KIRREL3: variants seen among roughly 807,000 people sequenced by gnomAD.
The protein encoded by KIRREL3 is kin of IRRE-like protein 3.
A neutral mutation model predicts 89.7 loss-of-function variants in KIRREL3; 36 were observed. That is an observed-to-expected ratio of 0.40 (90% CI 0.31 to 0.53). KIRREL3 has a LOEUF of 0.53. KIRREL3 is among the 20% of genes least tolerant of loss of function. The probability of loss-of-function intolerance (pLI) is 0.49; values close to 1 mark genes in which losing one functional copy is unlikely to be tolerated. For synonymous variants in KIRREL3, 445 were observed against 441.4 expected, an observed-to-expected ratio of 1.01 and a Z score of -0.10; for missense variants, 864 against 1,056.6, an observed-to-expected ratio of 0.82 and a Z score of 2.53.
rs1379712039 is a variant in KIRREL3 at position 126,978,122 on chromosome 11, T to C, written c.55+22333A>G. Among the ~76,000 whole-genome samples, 1 of 152,182 alleles carries C rather than the reference T, an allele frequency of 6.6e-6. No homozygotes were observed. The highest frequency in any genetic ancestry group is 1.5e-5 in the Non-Finnish European group (1 of 68,034). ...AGCCCCAGGGATAATGGTCAGCACA[T>C]TGTGGCGTTGGATTTTTCTGCTACT... On this transcript the variant is annotated intron_variant, in intron 1 of 16. Transcript: ENST00000525144. The surrounding 1 kb of genome is among the most constrained non-coding windows in gnomAD (Gnocchi z 4.2).
rs1950010309 is a variant in KIRREL3 at position 126,771,209 on chromosome 11, G to A, written c.56-208297C>T. ...CTGCTTTTACAACCATTGTCTCAGT[G>A]CGTCCCTAAATAGCCTGGCAAGGAA... On this transcript the variant is annotated intron_variant, in intron 1 of 16. Transcript: ENST00000525144. This position sits in a 1 kb window ranked among gnomAD's most constrained non-coding sequence, Gnocchi z 4.4. Among the ~76,000 whole-genome samples, 1 of 151,852 alleles carries A rather than the reference G, an allele frequency of 6.6e-6. No individual in the cohort carries two copies. Among genetic ancestry groups the A allele is most frequent in the African/African-American group, 2.4e-5 (1 of 41,318 alleles).
At position 126,843,179 on chromosome 11, in the gene KIRREL3, G is replaced by A. The variant is rs1446887618; in HGVS notation, c.55+157276C>T. ...AGTGATGACACAGAGCAGCTCTCTG[G>A]GAGGAAGATACGGTCTCTGAGCAAG... is the stretch of plus-strand genomic sequence containing the variant. On this transcript the variant is annotated intron_variant, in intron 1 of 16. Coordinates refer to ENST00000525144, the MANE Select transcript of KIRREL3 (RefSeq NM_032531.4). This position sits in a 1 kb window ranked among gnomAD's most constrained non-coding sequence, Gnocchi z 4.6. Among the ~76,000 whole-genome samples the A allele has an allele frequency of 6.6e-6, 1 of 152,118 alleles. No homozygotes were observed. The highest frequency in any genetic ancestry group is 1.5e-5 in the Non-Finnish European group (1 of 68,026).
chr11:126,455,869 C>A lies in KIRREL3; in HGVS notation c.848+480G>T, dbSNP rs1956321833. Among the ~76,000 whole-genome samples the A allele has an allele frequency of 6.6e-6, 1 of 151,810 alleles. No individual in the cohort carries two copies. Among genetic ancestry groups the A allele is most frequent in the Non-Finnish European group, 1.5e-5 (1 of 67,974 alleles). On this transcript the variant is annotated intron_variant, in intron 7 of 16. Transcript: ENST00000525144. This position sits in a 1 kb window ranked among gnomAD's most constrained non-coding sequence, Gnocchi z 6.4. ...GTGGTGCTTTTATCCGTGTTGTGAGCAAGAGACACACAGGGGCCATGAGTA... is the reference window on the plus strand; with the variant it reads ...GTGGTGCTTTTATCCGTGTTGTGAGAAAGAGACACACAGGGGCCATGAGTA...
chr11:126,840,635 G>T (rs1249149356), intron 1 of KIRREL3, among the ~76,000 whole-genome samples: 1 of 152,124 alleles, frequency 6.6e-6, no homozygotes, highest in Non-Finnish European at 1.5e-5. Flanking sequence ...GTTTTAAATC[G>T]CATGCCATTC....
chr11:126,919,996 G>A (rs1262536098), intron 1 of KIRREL3, among the ~76,000 whole-genome samples: 2 of 152,154 alleles, frequency 1.3e-5, no homozygotes, highest in Non-Finnish European at 2.9e-5. Flanking sequence ...TACCTGATAT[G>A]ATGCTAAATG....
At chr11:126,745,064 T>A (rs1949099016) in intron 1 of KIRREL3, among the ~76,000 whole-genome samples, 1 of 152,136 alleles carries the variant, frequency 6.6e-6, no homozygotes, top group Non-Finnish European at 1.5e-5. Flanking sequence ...ACTGGGCACC[T>A]CCTTCCACGC....
At chr11:126,457,468 T>C (rs575192317) in intron 6 of KIRREL3, among the ~76,000 whole-genome samples, 2 of 151,800 alleles carry the variant, frequency 1.3e-5, no homozygotes, top group African/African-American at 4.8e-5. Context: ...CATGTGTATA[T>C]GTGTGTATGC....
At chr11:126,785,836 T>C (rs1481648721) in intron 1 of KIRREL3, among the ~76,000 whole-genome samples, 1 of 119,592 alleles carries the variant, frequency 8.4e-6, no homozygotes, top group East Asian at 2.8e-4. Context: ...ATTGTGCCAC[T>C]GCACTCCAGC....
chr11:126,995,282 C>T lies in KIRREL3; in HGVS notation c.55+5173G>A, dbSNP rs970017314. 2 of 456,202 alleles carry T rather than the reference C, an allele frequency of 4.4e-6. No homozygotes were observed. The highest frequency in any genetic ancestry group is 7.0e-5 in the East Asian group (1 of 14,376). The allele number at this position is 456,202 out of a possible 1,614,324, so 28.3% of individuals were successfully genotyped here. ...GCTCCAATCACTCTGCTGCAAGCGC[C>T]ACCATTAAAGTCAAGATCACTGTGG... On this transcript the variant is annotated intron_variant, in intron 1 of 16. Transcript: ENST00000525144. The surrounding 1 kb of genome is among the most constrained non-coding windows in gnomAD (Gnocchi z 6.5).
At position 126,424,331 on chromosome 11, in the gene KIRREL3, C is replaced by T. The variant is rs1954842489; in HGVS notation, c.*249G>A. ...AAGGGCCGGGGACACGGGTGTCCAG[C>T]ACTAAGCACAGCGCACTCAGCCGCA... is the stretch of plus-strand genomic sequence containing the variant. On this transcript the variant is annotated 3_prime_UTR_variant, in exon 17 of 17. Coordinates refer to ENST00000525144, the MANE Select transcript of KIRREL3 (RefSeq NM_032531.4). The T allele has an allele frequency of 1.8e-6, 1 of 570,630 alleles. No individual in the cohort carries two copies. 35.3% of individuals were successfully genotyped at this position (570,630 alleles called of 1,614,324 possible).
chr11:126,945,794 C>T (rs928015342), intron 1 of KIRREL3, among the ~76,000 whole-genome samples: 7 of 152,146 alleles, frequency 4.6e-5, no homozygotes, highest in Non-Finnish European at 4.4e-5. Context: ...ATAAAGTCTG[C>T]GTTTTCCAAG....
intron 1 of KIRREL3, among the ~76,000 whole-genome samples, chr11:126,679,749 T>C (rs1946365045): frequency 6.6e-6 from 1 of 152,244 alleles, no homozygotes; most frequent in African/African-American, 2.4e-5. Flanking sequence ...TTATTGGTGA[T>C]TGAAAATTGC....
In KIRREL3 at chr11:126,558,944, C is replaced by G. The variant is rs1476934795; in HGVS notation, c.133+3891G>C. 6.6e-6 allele frequency among the ~76,000 whole-genome samples: 1 copy of G among 151,984 alleles called. No homozygotes were observed. Among genetic ancestry groups the G allele is most frequent in the Non-Finnish European group, 1.5e-5 (1 of 67,994 alleles). On this transcript the variant is annotated intron_variant, in intron 2 of 16. Transcript: ENST00000525144. This position sits in a 1 kb window ranked among gnomAD's most constrained non-coding sequence, Gnocchi z 4.0. ...GTGTGTGTATGTGTGTGTGCATGCT[C>G]ATGTGTGTGTTGGAGATGTGGCTGA...
rs925110149 is a variant in KIRREL3, at chr11:126,428,652, T to C, written c.1806+527A>G. ...TCTGAAGGGTAGACTGCATTTTTGT[T>C]GTTGTTGTTGTTTTGAGATGGAGTC... On this transcript the variant is annotated intron_variant, in intron 15 of 16. Transcript: ENST00000525144. This position sits in a 1 kb window ranked among gnomAD's most constrained non-coding sequence, Gnocchi z 6.4. Among the ~76,000 whole-genome samples, 2 of 152,062 alleles carry C rather than the reference T, an allele frequency of 1.3e-5. No homozygotes were observed. Among genetic ancestry groups the C allele is most frequent in the African/African-American group, 4.8e-5 (2 of 41,388 alleles).
chr11:126,558,725 G>C lies in KIRREL3; in HGVS notation c.133+4110C>G, dbSNP rs1939887685. On this transcript the variant is annotated intron_variant, in intron 2 of 16. Coordinates refer to ENST00000525144, the MANE Select transcript of KIRREL3 (RefSeq NM_032531.4). The surrounding 1 kb of genome is among the most constrained non-coding windows in gnomAD (Gnocchi z 4.0). Reference sequence around the variant, plus strand: ...TGGGAATAGGATCAGGTCTGGGGAAGCCATGTGCTTTGAGAAGGTGAGTGG... The same window carrying C: ...TGGGAATAGGATCAGGTCTGGGGAACCCATGTGCTTTGAGAAGGTGAGTGG... Among the ~76,000 whole-genome samples the C allele has an allele frequency of 6.6e-6, 1 of 152,172 alleles. No individual in the cohort carries two copies. Among genetic ancestry groups the C allele is most frequent in the Non-Finnish European group, 1.5e-5 (1 of 68,034 alleles).
rs752614807 is a variant in KIRREL3, at chr11:126,924,632, G to A, written c.55+75823C>T. 7.2e-5 allele frequency among the ~76,000 whole-genome samples: 11 copies of A among 152,102 alleles called. No individual in the cohort carries two copies. The highest frequency in any genetic ancestry group is 1.3e-4 in the Admixed American group (2 of 15,272). On this transcript the variant is annotated intron_variant, in intron 1 of 16. Transcript: ENST00000525144. This position sits in a 1 kb window ranked among gnomAD's most constrained non-coding sequence, Gnocchi z 4.7. ...TGATTTAAAGGCAGGGCTGTTGGGG[G>A]ATTTGGAAGAAGTGTTAAAGAAAAA...
Position 126,683,020 on chromosome 11 carries a change from A to AGTGC in KIRREL3, c.56-120109_56-120108insGCAC, listed in dbSNP as rs1946529006. 6.6e-6 allele frequency among the ~76,000 whole-genome samples: 1 copy of AGTGC among 152,078 alleles called. No individual in the cohort carries two copies. Among genetic ancestry groups the AGTGC allele is most frequent in the Non-Finnish European group, 1.5e-5 (1 of 68,012 alleles). On this transcript the variant is annotated intron_variant, in intron 1 of 16. Transcript: ENST00000525144. The surrounding 1 kb of genome is among the most constrained non-coding windows in gnomAD (Gnocchi z 5.2). ...CAGGCATGCACTACTATGCCTGGGT[A>AGTGC]ACTTTTTTGATTTTTATTAGAGATG...
At chr11:126,460,204 G>A (rs550114047) in intron 6 of KIRREL3, among the ~76,000 whole-genome samples, 1 of 152,136 alleles carries the variant, frequency 6.6e-6, no homozygotes, top group African/African-American at 2.4e-5. Flanking sequence ...CGGTGAGCGC[G>A]GGGACAAATG....
chr11:126,441,443 G>C lies in KIRREL3; in HGVS notation c.1253-894C>G, dbSNP rs1264859201. 6.6e-6 allele frequency among the ~76,000 whole-genome samples: 1 copy of C among 152,214 alleles called. No individual in the cohort carries two copies. The highest frequency in any genetic ancestry group is 1.5e-5 in the Non-Finnish European group (1 of 68,038). ...CTGTGACGCCTGCCTGGCCGTGAAA[G>C]ACAAAAGAAGGAGCAGCTAGCTTAG... On this transcript the variant is annotated intron_variant, in intron 10 of 16. Coordinates refer to ENST00000525144, the MANE Select transcript of KIRREL3 (RefSeq NM_032531.4). This position sits in a 1 kb window ranked among gnomAD's most constrained non-coding sequence, Gnocchi z 5.0.
Sources: gnomAD v4.1 joint callset for allele counts (sites outside exome capture counted in the v4.1 genomes callset) on GRCh38, gnomAD v4.1.1 for gene constraint, Gnocchi (gnomAD v3.1) non-coding constraint, MANE v1.5 for transcripts, NCBI Gene and HGNC (gene_info 2026-07-23, HGNC 2026-07-21) for gene names.